REST: variants seen among roughly 807,000 people sequenced by gnomAD.
REST encodes RE1 silencing transcription factor, also known as RE1-silencing transcription factor.
In REST, 1 loss-of-function variant was observed where a neutral mutation model predicts 30.4. The ratio of observed to expected loss-of-function variants is 0.03; its 90% CI spans 0.01 to 0.16. The LOEUF (loss-of-function observed/expected upper bound fraction) is 0.16. Among genes scored for constraint, REST ranks in the 10% least tolerant of loss-of-function variants. The probability of loss-of-function intolerance (pLI) is 1.00; values close to 1 mark genes in which losing one functional copy is unlikely to be tolerated. For synonymous variants in REST, 504 were observed against 451.1 expected (o/e 1.12, Z -1.49); for missense variants, 1,259 against 1,329.5 (o/e 0.95, Z 0.82).
rs1272057447 is a variant in REST, at chr4:56,935,424, A to G, written c.*3272A>G. 6.6e-6 allele frequency: 1 copy of G among 152,220 alleles called. No individual in the cohort carries two copies. Among genetic ancestry groups the G allele is most frequent in the Non-Finnish European group, 1.5e-5 (1 of 68,042 alleles). 9.4% of individuals were successfully genotyped at this position (152,220 alleles called of 1,614,324 possible). On this transcript the variant is annotated 3_prime_UTR_variant, in exon 4 of 4. Coordinates refer to ENST00000309042, the MANE Select transcript of REST (RefSeq NM_005612.5). ...TGTAGATTTACAATCTACATGCAAT[A>G]TTAACTAAATCAGATAGCTTTTACA...
intron 3 of REST, among the ~76,000 whole-genome samples, chr4:56,920,242 C>G (rs1720385997): frequency 6.6e-6 from 1 of 151,850 alleles, no homozygotes. Context: ...GTGTGGTTGA[C>G]AAGTGTCAGG....
chr4:56,926,213 C>T (rs1414563310), intron 3 of REST, among the ~76,000 whole-genome samples: 1 of 151,774 alleles, frequency 6.6e-6, no homozygotes. Flanking sequence ...GCATGCACCA[C>T]CACGCCTGGC....
intron 2 of REST, among the ~76,000 whole-genome samples, chr4:56,917,584 T>C (rs1720259908): frequency 6.6e-6 from 1 of 152,254 alleles, no homozygotes; most frequent in East Asian, 1.9e-4. Flanking sequence ...GGCTTTACTA[T>C]GTGCCAGACA....
rs1720907201 is a variant in REST, at chr4:56,930,451, T to C, written c.1593T>C (p.His531=). The C allele has an allele frequency of 6.2e-7, 1 of 1,613,816 alleles. No homozygotes were observed. Among genetic ancestry groups the C allele is most frequent in the Non-Finnish European group, 8.5e-7 (1 of 1,179,978 alleles). ...TGGAAGTTGACAGCCATTCTTTACA[T>C]GGTCCTGTGAATGATGAGGAATCTT... is the stretch of plus-strand genomic sequence containing the variant. ...RKLEVDSHSL[H]GPVNDEESST... The change falls in exon 4 of 4, where the codon CAT becomes CAC. Residue 531 remains histidine, a synonymous_variant. Coordinates refer to ENST00000309042, the MANE Select transcript of REST (RefSeq NM_005612.5).
chr4:56,911,600 T>G, intron 2 of REST, 64 bp downstream of exon 2: 3 of 1,349,172 alleles, frequency 2.2e-6, no homozygotes, highest in Non-Finnish European at 3.1e-6. Context: ...GAGTGGTTAG[T>G]TAAGTAGTGC....
In REST at chr4:56,931,090, T is replaced by C; in HGVS notation, c.2232T>C (p.Pro744=). 1 of 1,385,002 alleles carries C rather than the reference T, an allele frequency of 7.2e-7. No individual in the cohort carries two copies. The highest frequency in any genetic ancestry group is 2.6e-5 in the East Asian group (1 of 38,144). 85.8% of individuals were successfully genotyped at this position (1,385,002 alleles called of 1,614,324 possible). ...CCATGGAGGTGGTCCAGAAGGAGCC[T>C]GTTCAGATAGAGCTGTCTCCTCCCA... ...SPPMEVVQKE[P]VQIELSPPME... Residue 744 remains proline, a synonymous_variant, in exon 4 of 4, where the codon CCT becomes CCC. Coordinates refer to ENST00000309042, the MANE Select transcript of REST (RefSeq NM_005612.5).
chr4:56,912,543 C>T (rs1719981855), intron 2 of REST, among the ~76,000 whole-genome samples: 1 of 151,146 alleles, frequency 6.6e-6, no homozygotes, highest in Non-Finnish European at 1.5e-5. Context: ...GAGACGGAGT[C>T]TGGCTCTGTT....
chr4:56,917,750 C>G (rs1720266118), intron 2 of REST, among the ~76,000 whole-genome samples: 1 of 151,968 alleles, frequency 6.6e-6, no homozygotes, highest in Admixed American at 6.6e-5. Context: ...AATTGTATAC[C>G]TTTTTTTAAA....
chr4:56,913,799 C>T (rs1033161284), intron 2 of REST, among the ~76,000 whole-genome samples: 14 of 152,134 alleles, frequency 9.2e-5, no homozygotes, highest in African/African-American at 3.1e-4. Flanking sequence ...TAGGTGCCCA[C>T]CACCATGGCT....
In REST at chr4:56,930,844, T is replaced by C. The variant is rs772963867; in HGVS notation, c.1986T>C (p.Ala662=). Residue 662 remains alanine, a synonymous_variant, in exon 4 of 4, where the codon GCT becomes GCC. Transcript: ENST00000309042. ...VQMEVVQEGP[A]QKELLPPVEP... ...TGGAGGTGGTTCAGGAGGGGCCTGC[T>C]CAGAAGGAGCTGCTGCCTCCCGTGG... is the stretch of plus-strand genomic sequence containing the variant. The C allele has an allele frequency of 4.3e-6, 7 of 1,613,038 alleles. No individual in the cohort carries two copies. The Admixed American group carries it at 1.2e-4, about 27-fold the overall frequency.
chr4:56,926,163 G>A (rs1720700602), intron 3 of REST, among the ~76,000 whole-genome samples: 1 of 152,082 alleles, frequency 6.6e-6, no homozygotes, highest in African/African-American at 2.4e-5. Flanking sequence ...GGGTTCAAGT[G>A]ATTCTCCTGC....
At chr4:56,926,962 G>A (rs1473425517) in intron 3 of REST, among the ~76,000 whole-genome samples, 2 of 152,010 alleles carry the variant, frequency 1.3e-5, no homozygotes, top group Non-Finnish European at 2.9e-5. Flanking sequence ...CAGGCTTAGT[G>A]GCACATGCCT....
chr4:56,913,307 G>A (rs1380721647), intron 2 of REST, among the ~76,000 whole-genome samples: 1 of 152,104 alleles, frequency 6.6e-6, no homozygotes, highest in Non-Finnish European at 1.5e-5. Flanking sequence ...CTACAGATGT[G>A]CCCTACCACA....
At chr4:56,926,484 C>G (rs1720716921) in intron 3 of REST, among the ~76,000 whole-genome samples, 1 of 151,998 alleles carries the variant, frequency 6.6e-6, no homozygotes, top group South Asian at 2.1e-4. Flanking sequence ...TCAAGGGATT[C>G]TCCTGCCTCA....
chr4:56,932,130 A>C lies in REST; in HGVS notation c.3272A>C (p.Glu1091Ala), dbSNP rs1304212419. The C allele has an allele frequency of 6.2e-7, 1 of 1,609,946 alleles. No homozygotes were observed. Among genetic ancestry groups the C allele is most frequent in the East Asian group, 2.2e-5 (1 of 44,796 alleles). Residue 1091 changes from glutamate (E) to alanine (A), a missense_variant, in exon 4 of 4, where the codon GAA (glutamate) becomes GCA (alanine). Physicochemically the swap from Glu to Ala is moderately radical, Grantham distance 107 (BLOSUM62 -1). Around this residue, in one of 5 missense-constraint regions of REST, gnomAD observed 25 missense variants for 33.2 expected, o/e 0.75. Coordinates refer to ENST00000309042, the MANE Select transcript of REST (RefSeq NM_005612.5). ...TTGGTTAATGTGTACTATCTTGAAG[A>C]AGCAGCTCAAGGGCAGGAGTAATGA... ...RHLVNVYYLE[E>A]AAQGQE
chr4:56,914,089 A>G (rs1442403085), intron 2 of REST, among the ~76,000 whole-genome samples: 1 of 151,370 alleles, frequency 6.6e-6, no homozygotes, highest in Non-Finnish European at 1.5e-5. Flanking sequence ...GCATGCCACC[A>G]CACCTGGCTG....
intron 3 of REST, among the ~76,000 whole-genome samples, chr4:56,928,141 C>G (rs1720793432): frequency 6.6e-6 from 1 of 152,138 alleles, no homozygotes; most frequent in Non-Finnish European, 1.5e-5. Context: ...AAGTTTCGCT[C>G]TTGTCGCCCA....
intron 3 of REST, among the ~76,000 whole-genome samples, chr4:56,920,401 G>A (rs1362162759): frequency 6.6e-6 from 1 of 150,616 alleles, no homozygotes; most frequent in Non-Finnish European, 1.5e-5. Flanking sequence ...TGTATTAAGA[G>A]TATAGGACTG....
At position 56,931,195 on chromosome 4, in the gene REST, G is replaced by A. The variant is rs756848835; in HGVS notation, c.2337G>A (p.Met779Ile). The A allele has an allele frequency of 2.5e-6, 4 of 1,613,982 alleles. No homozygotes were observed. Among genetic ancestry groups the A allele is most frequent in the Non-Finnish European group, 3.4e-6 (4 of 1,179,954 alleles). The change falls in exon 4 of 4, where the codon ATG becomes ATA. Residue 779 changes from methionine (M) to isoleucine (I), a missense_variant. Around this residue, in one of 5 missense-constraint regions of REST, gnomAD observed 856 missense variants for 772.8 expected, o/e 1.11. Coordinates refer to ENST00000309042, the MANE Select transcript of REST (RefSeq NM_005612.5). The part of the protein sequence containing the change: ...IEVVQKEPVQ[M>I]ELSPPMGVVQ... ...TGGTCCAGAAGGAGCCTGTTCAGAT[G>A]GAGTTGTCTCCTCCCATGGGGGTGG...
Sources: allele counts gnomAD v4.1 joint callset (sites outside exome capture counted in the v4.1 genomes callset), GRCh38; gene constraint gnomAD v4.1.1; regional missense constraint gnomAD v4.1.1; transcripts MANE v1.5; gene names NCBI Gene and HGNC (gene_info 2026-07-23, HGNC 2026-07-21).